Variants in MRAP2 observed in about 807,000 individuals in gnomAD.
MRAP2 encodes melanocortin-2 receptor accessory protein 2.
Under a neutral mutation model 17.4 loss-of-function variants are expected in MRAP2, and 20 were observed. That is an observed-to-expected ratio of 1.15 (90% confidence interval 0.81 to 1.67). The LOEUF is 1.67. Among genes scored for constraint, MRAP2 ranks in the 40% most tolerant of loss-of-function variants. The pLI is 0.00. For missense variants in MRAP2, 238 were observed against 240.0 expected (o/e 0.99, Z 0.05); for synonymous variants, 96 against 88.4 (o/e 1.09, Z -0.48).
chr6:84,145,608 A>G, the MRAP2 span, among the ~76,000 whole-genome samples: 1 of 152,072 alleles, frequency 6.6e-6, no homozygotes, highest in Non-Finnish European at 1.5e-5. Flanking sequence ...AATCTGGTCT[A>G]GATCTCTGTC....
intron 3 of MRAP2, among the ~76,000 whole-genome samples, chr6:84,071,920 C>T (rs549161908): frequency 3.4e-4 from 52 of 152,232 alleles, no homozygotes; most frequent in Non-Finnish European, 5.7e-4. Context: ...CCAATGTTTC[C>T]TGAAGTTTTG....
Position 84,090,119 on chromosome 6 carries a change from G to A in MRAP2, c.*638G>A, listed in dbSNP as rs1410077776. The A allele has an allele frequency of 6.5e-6, 1 of 152,714 alleles. No individual in the cohort carries two copies. Among genetic ancestry groups the A allele is most frequent in the Non-Finnish European group, 1.5e-5 (1 of 68,442 alleles). The allele number at this position is 152,714 out of a possible 1,614,324, so 9.5% of individuals were successfully genotyped here. ...TTAACTGTAGGTTGACAGGTCTAGA[G>A]TGATCCATCCCACCTCTAATATTTT... On this transcript the variant is annotated 3_prime_UTR_variant, in exon 4 of 4. Coordinates refer to ENST00000257776, the MANE Select transcript of MRAP2 (RefSeq NM_138409.4).
chr6:84,133,259 C>T, the MRAP2 span, among the ~76,000 whole-genome samples: 1,005 of 152,278 alleles, frequency 6.6e-3, 7 homozygotes, highest in African/African-American at 0.023. Flanking sequence ...TATGAGGTGT[C>T]AGTTGGCCCC....
chr6:84,052,777 T>C, intron 1 of MRAP2: 1 of 984,818 alleles, frequency 1.0e-6, no homozygotes, highest in Non-Finnish European at 1.2e-6. Context: ...GAGAACCTCC[T>C]GTAGGCTGGC....
intron 1 of MRAP2, chr6:84,045,160 G>A: frequency 1.0e-6 from 1 of 966,616 alleles, no homozygotes; most frequent in Non-Finnish European, 1.2e-6. Context: ...TATCTGAGAG[G>A]TCCTGGAACC....
Position 84,044,003 on chromosome 6 carries a change from TTAGTTA to T in MRAP2, c.-8+10127_-8+10132del, listed in dbSNP as rs149010348. On this transcript the variant is annotated intron_variant, in intron 1 of 3. Transcript: ENST00000257776. ...TTTCTTTTCAAAAATGTATTTTTTT[TTAGTTA>T]TAGTTAGAGTGATTGGTACAAAGTA... Among the ~76,000 whole-genome samples, 1,274 of 152,288 alleles carry T rather than the reference TTAGTTA, an allele frequency of 8.4e-3. 19 individuals carry two copies. Among genetic ancestry groups the T allele is most frequent in the African/African-American group, 0.029 (1,207 of 41,552 alleles).
the MRAP2 span, among the ~76,000 whole-genome samples, chr6:84,137,914 G>A: frequency 6.6e-6 from 1 of 152,138 alleles, no homozygotes; most frequent in Non-Finnish European, 1.5e-5. Context: ...CCCCATTGCA[G>A]CAGACATAAT....
chr6:84,145,803 T>C, the MRAP2 span, among the ~76,000 whole-genome samples: 1 of 152,146 alleles, frequency 6.6e-6, no homozygotes, highest in Non-Finnish European at 1.5e-5. Flanking sequence ...CTGCGTGTCT[T>C]ATAACTAGAC....
chr6:84,120,405 GGAGAAGA>G, the MRAP2 span, among the ~76,000 whole-genome samples: 1 of 152,118 alleles, frequency 6.6e-6, no homozygotes, highest in African/African-American at 2.4e-5. Context: ...CATCACACTA[GGAGAAGA>G]TAGATCACTT....
At chr6:84,060,619 A>G (rs1202096603) in intron 2 of MRAP2, among the ~76,000 whole-genome samples, 1 of 151,544 alleles carries the variant, frequency 6.6e-6, no homozygotes, top group Non-Finnish European at 1.5e-5. Flanking sequence ...CCATGCCTAG[A>G]TAGTTGAGAT....
intron 3 of MRAP2, among the ~76,000 whole-genome samples, chr6:84,069,749 A>T (rs2129170165): frequency 6.6e-6 from 1 of 152,048 alleles, no homozygotes; most frequent in Non-Finnish European, 1.5e-5. Flanking sequence ...GTAATTTTTA[A>T]ATTACCATTT....
In MRAP2 at chr6:84,089,339, A is replaced by T; in HGVS notation, c.476A>T (p.Asn159Ile). 6.2e-7 allele frequency: 1 copy of T among 1,614,228 alleles called. No homozygotes were observed. Among genetic ancestry groups the T allele is most frequent in the Non-Finnish European group, 8.5e-7 (1 of 1,180,034 alleles). The change falls in exon 4 of 4, where the codon AAC becomes ATC. Residue 159 changes from asparagine (N) to isoleucine (I), a missense_variant. Physicochemically the swap from Asn to Ile is moderately radical, Grantham distance 149. Coordinates refer to ENST00000257776, the MANE Select transcript of MRAP2 (RefSeq NM_138409.4). ...RSSGQPEEEL[N>I]RLMKFDIPNF... ...AGTGGGCAGCCAGAGGAGGAGCTGA[A>T]CAGGCTCATGAAGTTTGACATCCCC...
chr6:84,097,154 T>A, the MRAP2 span, among the ~76,000 whole-genome samples: 99 of 152,276 alleles, frequency 6.5e-4, no homozygotes, highest in African/African-American at 2.3e-3. Flanking sequence ...CTCTACATGA[T>A]CTATGTCCTA....
At chr6:84,036,883 G>A (rs1418543887) in intron 1 of MRAP2, among the ~76,000 whole-genome samples, 4 of 152,098 alleles carry the variant, frequency 2.6e-5, no homozygotes, top group Non-Finnish European at 5.9e-5. Context: ...CCTCCAGCTA[G>A]ACAAAAAAGT....
chr6:84,089,406 T>G lies in MRAP2; in HGVS notation c.543T>G (p.Asp181Glu). The G allele has an allele frequency of 6.2e-7, 1 of 1,614,136 alleles. No individual in the cohort carries two copies. The highest frequency in any genetic ancestry group is 1.3e-5 in the African/African-American group (1 of 75,042). The change falls in exon 4 of 4, where the codon GAT (aspartate) becomes GAG (glutamate). Residue 181 changes from aspartate (D) to glutamate (E), a missense_variant. Transcript: ENST00000257776. ...ACCAGAACTACTTTGGGGAGGATGA[T>G]CTTCTGATTTCTGAACCACCTATTG... is the stretch of plus-strand genomic sequence containing the variant. ...NTDQNYFGED[D>E]LLISEPPIVL...
upstream of MRAP2, chr6:84,033,710 C>G (rs1282248884): frequency 9.1e-6 from 9 of 985,248 alleles, no homozygotes; most frequent in East Asian, 1.0e-3. Flanking sequence ...CTCCGGCGCC[C>G]CGCGCCGCCT....
At chr6:84,040,019 G>T (rs1183208864) in intron 1 of MRAP2, among the ~76,000 whole-genome samples, 1 of 152,184 alleles carries the variant, frequency 6.6e-6, no homozygotes. Flanking sequence ...ATTCCTACCA[G>T]TGTGATATGA....
chr6:84,083,075 A>C (rs58485852), intron 3 of MRAP2, among the ~76,000 whole-genome samples: 1 of 152,050 alleles, frequency 6.6e-6, no homozygotes, highest in Admixed American at 6.6e-5. Flanking sequence ...AAGAGTACAG[A>C]GACAGGACTT....
chr6:84,056,721 A>G (rs1191288347), intron 2 of MRAP2, among the ~76,000 whole-genome samples: 1 of 152,126 alleles, frequency 6.6e-6, no homozygotes, highest in Non-Finnish European at 1.5e-5. Flanking sequence ...ATTGCCACAT[A>G]TTTTCTTGAA....
Sources: gnomAD v4.1 joint callset for allele counts (sites outside exome capture counted in the v4.1 genomes callset) on GRCh38, gnomAD v4.1.1 for gene constraint, MANE v1.5 for transcripts, NCBI Gene and HGNC (gene_info 2026-07-23, HGNC 2026-07-21) for gene names.